UBR1: variants seen among roughly 807,000 people sequenced by gnomAD.
The protein encoded by UBR1 is ubiquitin protein ligase E3 component n-recognin 1, also known as E3 ubiquitin-protein ligase UBR1.
UBR1 carries 102 observed loss-of-function variants against 242.1 expected under a neutral mutation model. The observed-to-expected ratio is 0.42, with a 90% confidence interval of 0.36 to 0.50. The LOEUF is 0.50. Among genes scored for constraint, UBR1 ranks in the 20% least tolerant of loss-of-function variants. The pLI, the probability that UBR1 is intolerant of heterozygous loss-of-function variation, is 0.01. For missense variants in UBR1, 1,772 were observed against 2,101.8 expected (o/e 0.84, Z 3.07); for synonymous variants, 675 against 684.8 (o/e 0.99, Z 0.22).
At chr15:43,009,913 C>T (rs532575312) in intron 29 of UBR1, among the ~76,000 whole-genome samples, 22 of 152,298 alleles carry the variant, frequency 1.4e-4, no homozygotes, top group South Asian at 1.0e-3. Context: ...GCACTGTTGC[C>T]GGGCTGGAGT....
intron 21 of UBR1, 149 bp downstream of exon 21, chr15:43,029,795 C>T: frequency 1.2e-6 from 1 of 807,886 alleles, no homozygotes; most frequent in Non-Finnish European, 1.9e-6. Context: ...AAAATTTATA[C>T]CACTAAAGGA....
At chr15:43,062,632 G>A (rs1262088120) in intron 6 of UBR1, among the ~76,000 whole-genome samples, 1 of 152,136 alleles carries the variant, frequency 6.6e-6, no homozygotes, top group Non-Finnish European at 1.5e-5. Flanking sequence ...ACTGAATGGA[G>A]ATGGGGTCTC....
At chr15:42,996,576 G>A (rs1467528848) in intron 33 of UBR1, among the ~76,000 whole-genome samples, 7 of 152,002 alleles carry the variant, frequency 4.6e-5, no homozygotes, top group African/African-American at 9.7e-5. Context: ...AGCGAGACCT[G>A]TCTAAACAAA....
At chr15:42,981,731 CCGCCG>C (rs2032382151) in intron 37 of UBR1, among the ~76,000 whole-genome samples, 1 of 152,114 alleles carries the variant, frequency 6.6e-6, no homozygotes, top group Non-Finnish European at 1.5e-5. Flanking sequence ...ACCTCGTGAT[CCGCCG>C]CACCCAGCCA....
intron 20 of UBR1, 66 bp from the exon 21 acceptor site, chr15:43,030,134 T>C (rs2033235457): frequency 6.5e-7 from 1 of 1,541,150 alleles, no homozygotes; most frequent in Non-Finnish European, 8.8e-7. Flanking sequence ...TCTCTCCCCA[T>C]CAGAAGCACT....
chr15:43,007,360 A>C, intron 29 of UBR1, 76 bp from the exon 30 acceptor site: 1 of 1,244,220 alleles, frequency 8.0e-7, no homozygotes, highest in South Asian at 1.3e-5. Flanking sequence ...ATTTTAAGTA[A>C]CTATAGGCAA....
At chr15:42,949,691 C>G (rs932140653) in intron 46 of UBR1, among the ~76,000 whole-genome samples, 1 of 150,456 alleles carries the variant, frequency 6.6e-6, no homozygotes, top group African/African-American at 2.4e-5. Context: ...CCCAGCTACT[C>G]GGGAGGCTGA....
At chr15:43,014,911 C>A (rs1227288058) in intron 29 of UBR1, among the ~76,000 whole-genome samples, 1 of 151,384 alleles carries the variant, frequency 6.6e-6, no homozygotes, top group East Asian at 2.0e-4. Flanking sequence ...GCCAGCCACC[C>A]CGTCCGGGAG....
chr15:43,089,308 T>C (rs1054363431), intron 1 of UBR1, among the ~76,000 whole-genome samples: 9 of 152,026 alleles, frequency 5.9e-5, no homozygotes. Flanking sequence ...CTCACTAACA[T>C]GGTGAAACCC....
intron 36 of UBR1, 60 bp from the exon 37 acceptor site, chr15:42,984,053 C>A: frequency 7.2e-7 from 1 of 1,380,278 alleles, no homozygotes; most frequent in South Asian, 1.2e-5. Flanking sequence ...CCTAAGTCAT[C>A]CACTTAAGAG....
chr15:43,094,480 T>G (rs1216215453), intron 1 of UBR1, among the ~76,000 whole-genome samples: 1 of 151,718 alleles, frequency 6.6e-6, no homozygotes, highest in Non-Finnish European at 1.5e-5. Flanking sequence ...ATTCTCACAT[T>G]CTTTTTTTCT....
chr15:42,984,792 G>A lies in UBR1; in HGVS notation c.4053+95C>T, dbSNP rs932236443. The A allele has an allele frequency of 3.1e-5, 36 of 1,165,172 alleles. 1 individual carries two copies. In the Middle Eastern group the frequency reaches 8.1e-4, roughly 26 times the overall value. 72.2% of individuals were successfully genotyped at this position (1,165,172 alleles called of 1,614,324 possible). A position where few individuals can be genotyped will look rare whatever the true frequency, so the allele number is the denominator to read the frequency against. On this transcript the variant is annotated intron_variant, in intron 36 of 46. Transcript: ENST00000290650. ...CTATAGAATTCTGCTAATTTTTACA[G>A]AAAATGAGTAAAGATTTTTTGTTTT... is the stretch of plus-strand genomic sequence containing the variant.
At chr15:43,021,136 A>C in intron 27 of UBR1, 139 bp downstream of exon 27, 2 of 643,288 alleles carry the variant, frequency 3.1e-6, no homozygotes, top group Non-Finnish European at 5.4e-6. Flanking sequence ...AGGAAAATAG[A>C]ATTATTAACA....
At chr15:43,018,713 A>G (rs2033063480) in intron 27 of UBR1, among the ~76,000 whole-genome samples, 1 of 152,182 alleles carries the variant, frequency 6.6e-6, no homozygotes, top group Non-Finnish European at 1.5e-5. Flanking sequence ...ATTTTGAAAG[A>G]ACCTTGGTCT....
chr15:43,062,670 G>A (rs921802033), intron 6 of UBR1, among the ~76,000 whole-genome samples: 12 of 152,076 alleles, frequency 7.9e-5, no homozygotes, highest in African/African-American at 2.2e-4. Context: ...GGAAGGCAGC[G>A]GTGTGATCAA....
chr15:43,013,536 T>A (rs1228049746), intron 29 of UBR1, among the ~76,000 whole-genome samples: 1 of 152,196 alleles, frequency 6.6e-6, no homozygotes, highest in African/African-American at 2.4e-5. Flanking sequence ...TTGTTTCCAA[T>A]AATGTAATAA....
chr15:43,101,110 T>C (rs1350256702), intron 1 of UBR1, among the ~76,000 whole-genome samples: 7 of 152,126 alleles, frequency 4.6e-5, no homozygotes, highest in African/African-American at 1.2e-4. Context: ...TAAAGCAAAA[T>C]ACAGCTTGGG....
chr15:43,031,969 G>C (rs1418177577), intron 20 of UBR1, among the ~76,000 whole-genome samples: 1 of 152,182 alleles, frequency 6.6e-6, no homozygotes, highest in Non-Finnish European at 1.5e-5. Flanking sequence ...AGGAGGCAGA[G>C]GTTGCAGTGA....
At chr15:43,027,679 G>C (rs967813310) in intron 22 of UBR1, 97 bp downstream of exon 22, 2 of 1,120,352 alleles carry the variant, frequency 1.8e-6, no homozygotes, top group Non-Finnish European at 1.3e-6. Flanking sequence ...ATTCTTGGGA[G>C]TTCAGGCAAG....
Sources: gnomAD v4.1 joint callset for allele counts (sites outside exome capture counted in the v4.1 genomes callset) on GRCh38, gnomAD v4.1.1 for gene constraint, MANE v1.5 for transcripts, NCBI Gene and HGNC (gene_info 2026-07-23, HGNC 2026-07-21) for gene names.